COL24A1: variants seen among roughly 807,000 people sequenced by gnomAD.
COL24A1 encodes the protein collagen alpha-1(XXIV) chain.
A neutral mutation model predicts 253.9 loss-of-function variants in COL24A1; 224 were observed. The ratio of observed to expected loss-of-function variants is 0.88; its 90% CI spans 0.79 to 0.99. COL24A1 has a LOEUF of 0.99. Among genes scored for constraint, COL24A1 ranks in the 50% least tolerant of loss-of-function variants. The pLI, the probability that COL24A1 is intolerant of heterozygous loss-of-function variation, is 0.00. For missense variants in COL24A1, 2,131 were observed against 2,068.5 expected, an observed-to-expected ratio of 1.03 and a Z score of -0.59; for synonymous variants, 685 against 673.7, an observed-to-expected ratio of 1.02 and a Z score of -0.26.
intron 24 of COL24A1, among the ~76,000 whole-genome samples, chr1:85,919,412 C>T (rs146804669): frequency 0.015 from 2,256 of 152,312 alleles, 35 homozygotes; most frequent in Middle Eastern, 0.068. Context: ...GGCATGGTGG[C>T]TCATGCCTGT....
Position 86,156,556 on chromosome 1 carries a change from G to T in COL24A1, c.-160C>A. 2 of 545,720 alleles carry T rather than the reference G, an allele frequency of 3.7e-6. No homozygotes were observed. The highest frequency in any genetic ancestry group is 2.0e-5 in the African/African-American group (1 of 51,082). The allele number at this position is 545,720 out of a possible 1,614,324, so 33.8% of individuals were successfully genotyped here. On this transcript the variant is annotated 5_prime_UTR_variant, in exon 1 of 60. Coordinates refer to ENST00000370571, the MANE Select transcript of COL24A1 (RefSeq NM_152890.7). The stretch of plus-strand genomic sequence containing the variant: ...GAAAAAAAGGAGGGGAGGGGGTGAA[G>T]TCGGGAGGAGGTAGGAAATAGCACC...
chr1:85,902,633 A>G (rs1684426980), intron 28 of COL24A1, among the ~76,000 whole-genome samples: 1 of 152,160 alleles, frequency 6.6e-6, no homozygotes, highest in African/African-American at 2.4e-5. Flanking sequence ...TGAAGAGCCC[A>G]CTGAGGGCTA....
chr1:86,089,129 A>T (rs764811345), intron 7 of COL24A1, 45 bp downstream of exon 7: 2 of 1,328,910 alleles, frequency 1.5e-6, no homozygotes, highest in Non-Finnish European at 2.1e-6. Context: ...GACAAAAAAA[A>T]GAAAAAAAGA....
intron 2 of COL24A1, among the ~76,000 whole-genome samples, chr1:86,132,582 G>A (rs1172905107): frequency 3.9e-5 from 6 of 152,002 alleles, no homozygotes; most frequent in African/African-American, 1.4e-4. Context: ...CTTTCTACAT[G>A]TGGCTAGCCA....
chr1:85,964,733 A>G (rs904296478), intron 23 of COL24A1, among the ~76,000 whole-genome samples: 6 of 152,112 alleles, frequency 3.9e-5, no homozygotes, highest in Non-Finnish European at 8.8e-5. Flanking sequence ...GGGATTCTTA[A>G]CTTGTAAGCA....
At chr1:86,107,613 T>C (rs1050309419) in intron 5 of COL24A1, among the ~76,000 whole-genome samples, 112 of 151,858 alleles carry the variant, frequency 7.4e-4, no homozygotes, top group Non-Finnish European at 1.3e-3. Context: ...TGGCTCACTG[T>C]AAGCTCCGCC....
chr1:85,805,866 G>A (rs1401822087), intron 47 of COL24A1, among the ~76,000 whole-genome samples: 1 of 152,072 alleles, frequency 6.6e-6, no homozygotes, highest in African/African-American at 2.4e-5. Flanking sequence ...ACGAGGTCAG[G>A]AGATCGAGAC....
intron 7 of COL24A1, among the ~76,000 whole-genome samples, chr1:86,079,149 C>T (rs2101894895): frequency 6.6e-6 from 1 of 152,142 alleles, no homozygotes. Context: ...GAAATAAATC[C>T]ACACACCTAC....
intron 47 of COL24A1, among the ~76,000 whole-genome samples, chr1:85,798,830 T>C (rs888745993): frequency 6.6e-6 from 1 of 152,110 alleles, no homozygotes; most frequent in South Asian, 2.1e-4. Context: ...GTCAAGTCGT[T>C]AGTTTTATTT....
At chr1:85,793,474 G>A (rs914890393) in intron 47 of COL24A1, among the ~76,000 whole-genome samples, 1 of 152,016 alleles carries the variant, frequency 6.6e-6, no homozygotes, top group Non-Finnish European at 1.5e-5. Context: ...AGAGAGAGAA[G>A]AGGAGGGAAG....
At chr1:85,854,950 C>A (rs1459901886) in intron 37 of COL24A1, among the ~76,000 whole-genome samples, 1 of 152,106 alleles carries the variant, frequency 6.6e-6, no homozygotes, top group Admixed American at 6.5e-5. Flanking sequence ...GTTCCACCTG[C>A]CTCGGCCTCC....
intron 12 of COL24A1, among the ~76,000 whole-genome samples, chr1:86,043,864 A>G (rs1280434122): frequency 6.6e-6 from 1 of 152,206 alleles, no homozygotes; most frequent in Non-Finnish European, 1.5e-5. Flanking sequence ...AGAAAATTAA[A>G]ACAGTTTTTG....
chr1:86,107,659 T>C (rs1168952320), intron 5 of COL24A1, among the ~76,000 whole-genome samples: 1 of 151,920 alleles, frequency 6.6e-6, no homozygotes, highest in South Asian at 2.1e-4. Flanking sequence ...CTCAGCCTCC[T>C]GAGTAGCTGG....
chr1:85,911,695 G>A (rs1295082176), intron 24 of COL24A1, among the ~76,000 whole-genome samples: 3 of 152,036 alleles, frequency 2.0e-5, no homozygotes, highest in Non-Finnish European at 4.4e-5. Flanking sequence ...ATCCACAGTC[G>A]CTGTCCATGT....
intron 55 of COL24A1, among the ~76,000 whole-genome samples, chr1:85,754,550 T>TAAAAAAAAAA (rs34069021): frequency 1.1e-4 from 12 of 110,974 alleles, no homozygotes; most frequent in South Asian, 3.2e-4. Flanking sequence ...AAAAAAAAAT[T>TAAAAAAAAAA]AAAAAAAAAA....
At chr1:85,827,864 A>G (rs1161046828) in intron 43 of COL24A1, among the ~76,000 whole-genome samples, 1 of 152,022 alleles carries the variant, frequency 6.6e-6, no homozygotes, top group Non-Finnish European at 1.5e-5. Flanking sequence ...GATCCTTTCA[A>G]AAAACCAGCT....
intron 2 of COL24A1, among the ~76,000 whole-genome samples, chr1:86,140,509 T>C (rs1302189061): frequency 6.6e-6 from 1 of 152,250 alleles, no homozygotes; most frequent in Non-Finnish European, 1.5e-5. Context: ...TTGAAGTTAC[T>C]GCAGCTACAA....
intron 2 of COL24A1, among the ~76,000 whole-genome samples, chr1:86,133,999 AC>A (rs200032653): frequency 0.14 from 20,550 of 151,760 alleles, 1,559 homozygotes; most frequent in East Asian, 0.29. Flanking sequence ...TTGGTTGCTA[AC>A]CTATTAATTA....
chr1:85,814,218 C>A (rs1478500682), intron 47 of COL24A1, among the ~76,000 whole-genome samples: 1 of 152,172 alleles, frequency 6.6e-6, no homozygotes, highest in Non-Finnish European at 1.5e-5. Flanking sequence ...ATAGCCTCAT[C>A]ATCTGGCCTT....
Sources: gnomAD v4.1 joint callset for allele counts (sites outside exome capture counted in the v4.1 genomes callset) on GRCh38, gnomAD v4.1.1 for gene constraint, MANE v1.5 for transcripts, NCBI Gene and HGNC (gene_info 2026-07-23, HGNC 2026-07-21) for gene names.